Variants in CISD1 observed in about 807,000 individuals in gnomAD.
CISD1 encodes CDGSH iron-sulfur domain-containing protein 1.
In CISD1, 8 loss-of-function variants were observed where a neutral mutation model predicts 12.0. That is an observed-to-expected ratio of 0.67 (90% CI 0.39 to 1.20). CISD1 has a LOEUF of 1.20. Among genes scored for constraint, CISD1 ranks in the 50% most tolerant of loss-of-function variants. The pLI is 0.01. For missense variants in CISD1, 107 were observed against 132.7 expected (o/e 0.81, Z 0.95); for synonymous variants, 38 against 42.2 (o/e 0.90, Z 0.39).
intron 2 of CISD1, among the ~76,000 whole-genome samples, chr10:58,281,904 A>G (rs16912053): frequency 0.049 from 7,510 of 151,840 alleles, 444 homozygotes; most frequent in East Asian, 0.31. Context: ...CCTTTTGTCC[A>G]GTGCTTCTCT....
At chr10:58,272,251 C>G (rs1165447404) in intron 1 of CISD1, among the ~76,000 whole-genome samples, 1 of 150,048 alleles carries the variant, frequency 6.7e-6, no homozygotes, top group Non-Finnish European at 1.5e-5. Context: ...CCAACTATAC[C>G]AGGTAATTTT....
chr10:58,276,375 TGA>T (rs1175207660), intron 1 of CISD1, among the ~76,000 whole-genome samples: 1 of 151,892 alleles, frequency 6.6e-6, no homozygotes, highest in Non-Finnish European at 1.5e-5. Context: ...ATTTATTAAA[TGA>T]GAATATAACT....
rs905146229 is a variant in CISD1 at position 58,288,575 on chromosome 10, A to G, written c.*925A>G. 6.6e-6 allele frequency: 1 copy of G among 152,186 alleles called. No homozygotes were observed. Among genetic ancestry groups the G allele is most frequent in the Non-Finnish European group, 1.5e-5 (1 of 67,958 alleles). The allele number at this position is 152,186 out of a possible 1,614,324, so 9.4% of individuals were successfully genotyped here. On this transcript the variant is annotated 3_prime_UTR_variant, in exon 3 of 3. Coordinates refer to ENST00000333926, the MANE Select transcript of CISD1 (RefSeq NM_018464.5). ...ATCAAGCACATGGCTTTTAAATTGT[A>G]TGATCTTTTTCTTAAAAGCAAAAAT...
chr10:58,269,344 C>T (rs1269020346), intron 1 of CISD1, 40 bp downstream of exon 1: 1 of 1,584,332 alleles, frequency 6.3e-7, no homozygotes, highest in Non-Finnish European at 8.6e-7. Flanking sequence ...TGGTGAGGCT[C>T]AGCGGTTGCC....
rs1028120592 is a variant in CISD1, at chr10:58,288,536, T to C, written c.*886T>C. ...AAAGGCGTGGGAAGATTTTTTTTTT[T>C]CCCACTCTAGCTAATCAAGCACATG... On this transcript the variant is annotated 3_prime_UTR_variant, in exon 3 of 3. Transcript: ENST00000333926. The C allele has an allele frequency of 6.6e-5, 10 of 152,278 alleles. No homozygotes were observed. The highest frequency in any genetic ancestry group is 1.2e-4 in the Non-Finnish European group (8 of 67,962). The allele number at this position is 152,278 out of a possible 1,614,324, so 9.4% of individuals were successfully genotyped here.
At chr10:58,284,318 C>T (rs1839405612) in intron 2 of CISD1, among the ~76,000 whole-genome samples, 1 of 148,966 alleles carries the variant, frequency 6.7e-6, no homozygotes, top group African/African-American at 2.5e-5. Context: ...AATTTAATCT[C>T]TTAAAAAAAA....
intron 1 of CISD1, among the ~76,000 whole-genome samples, chr10:58,270,914 A>T (rs1839239147): frequency 6.6e-6 from 1 of 151,624 alleles, no homozygotes; most frequent in African/African-American, 2.4e-5. Flanking sequence ...CCCAAGCTGG[A>T]GTGCAGTGTT....
In CISD1 at chr10:58,289,054, C is replaced by A. The variant is rs1049546840; in HGVS notation, c.*1404C>A. 1 of 152,026 alleles carries A rather than the reference C, an allele frequency of 6.6e-6. No individual in the cohort carries two copies. The highest frequency in any genetic ancestry group is 2.4e-5 in the African/African-American group (1 of 41,402). The allele number at this position is 152,026 out of a possible 1,614,324, so 9.4% of individuals were successfully genotyped here. ...AAATTGTACAGTGGTTTTAAGAAGC[C>A]CATGTAACTAACTTGGACATGTCTT... On this transcript the variant is annotated 3_prime_UTR_variant, in exon 3 of 3. Transcript: ENST00000333926.
chr10:58,280,651 T>A (rs1839363987), intron 2 of CISD1, among the ~76,000 whole-genome samples: 1 of 152,190 alleles, frequency 6.6e-6, no homozygotes, highest in Admixed American at 6.5e-5. Context: ...AACTGATCTT[T>A]GATATGGATA....
At chr10:58,282,206 C>T (rs780289065) in intron 2 of CISD1, among the ~76,000 whole-genome samples, 2 of 152,162 alleles carry the variant, frequency 1.3e-5, no homozygotes, top group African/African-American at 2.4e-5. Context: ...AAGTGATCCA[C>T]CCGCCTTGGC....
intron 2 of CISD1, among the ~76,000 whole-genome samples, chr10:58,285,359 A>G (rs772124963): frequency 2.0e-4 from 30 of 152,206 alleles, no homozygotes; most frequent in Admixed American, 7.2e-4. Flanking sequence ...TTTAAGATTA[A>G]ATACCATCAT....
chr10:58,269,403 CG>C, intron 1 of CISD1, 99 bp downstream of exon 1: 1 of 1,120,352 alleles, frequency 8.9e-7, no homozygotes, highest in Non-Finnish European at 1.3e-6. Context: ...ACGCGCCCGC[CG>C]GTCCTATAAC....
intron 1 of CISD1, among the ~76,000 whole-genome samples, chr10:58,275,849 GT>G (rs1588980571): frequency 6.6e-6 from 1 of 152,182 alleles, no homozygotes; most frequent in Non-Finnish European, 1.5e-5. Flanking sequence ...TTATATTACA[GT>G]TTTAGAAGAT....
intron 1 of CISD1, chr10:58,276,145 C>T (rs1463583768): frequency 6.6e-6 from 1 of 152,180 alleles, no homozygotes; most frequent in East Asian, 1.9e-4. Context: ...ATAGACAACT[C>T]TCCTCTGAGG....
chr10:58,272,981 A>G (rs1839266279), intron 1 of CISD1, among the ~76,000 whole-genome samples: 1 of 152,130 alleles, frequency 6.6e-6, no homozygotes, highest in Non-Finnish European at 1.5e-5. Context: ...TGGTGGTTAG[A>G]GCTAATTGAG....
In CISD1 at chr10:58,287,613, A is replaced by G; in HGVS notation, c.290A>G (p.Asn97Ser). The G allele has an allele frequency of 6.2e-7, 1 of 1,611,304 alleles. No homozygotes were observed. The highest frequency in any genetic ancestry group is 1.1e-5 in the South Asian group (1 of 90,578). Residue 97 changes from asparagine to serine, a missense_variant, in exon 3 of 3, where the codon AAT (asparagine) becomes AGT (serine). Transcript: ENST00000333926. ...HTKHNEETGD[N>S]VGPLIIKKKE... ...AAACATAACGAAGAGACTGGAGACA[A>G]TGTGGGCCCTCTGATCATCAAGAAA... is the stretch of plus-strand genomic sequence containing the variant.
intron 1 of CISD1, 86 bp downstream of exon 1, chr10:58,269,390 C>T (rs886298977): frequency 3.8e-5 from 47 of 1,234,212 alleles, no homozygotes; most frequent in Middle Eastern, 3.9e-4. Flanking sequence ...TTACCACTGC[C>T]CTACGCGCCC....
chr10:58,277,306 GTTGGAGGTCC>G lies in CISD1; in HGVS notation c.222_231del (p.Cys74Ter). 1 of 1,586,692 alleles carries G rather than the reference GTTGGAGGTCC, an allele frequency of 6.3e-7. No individual in the cohort carries two copies. The highest frequency in any genetic ancestry group is 1.2e-5 in the South Asian group (1 of 86,792). On this transcript the variant is annotated frameshift_variant, in exon 2 of 3. Coordinates refer to ENST00000333926, the MANE Select transcript of CISD1 (RefSeq NM_018464.5). LOFTEE classifies it high-confidence loss of function. ...GGAGATAAAGCTGTGTACTGCCGTT[GTTGGAGGTCC>G]AAAAAGGTGAGGAAAGCAATTCCTT... is the stretch of plus-strand genomic sequence containing the variant.
chr10:58,287,670 C>T lies in CISD1; in HGVS notation c.*20C>T, dbSNP rs1215713763. The T allele has an allele frequency of 3.3e-6, 5 of 1,523,040 alleles. No individual in the cohort carries two copies. Among genetic ancestry groups the T allele is most frequent in the Non-Finnish European group, 4.5e-6 (5 of 1,107,334 alleles). The allele number at this position is 1,523,040 out of a possible 1,614,324, so 94.3% of individuals were successfully genotyped here. ...ACTTAAATGGACACTTTTGATGCTG[C>T]AAATCAGCTTGTCGTGAAGTTACCT... is the stretch of plus-strand genomic sequence containing the variant. On this transcript the variant is annotated 3_prime_UTR_variant, in exon 3 of 3. Coordinates refer to ENST00000333926, the MANE Select transcript of CISD1 (RefSeq NM_018464.5).
Sources: gnomAD v4.1 joint callset for allele counts (sites outside exome capture counted in the v4.1 genomes callset) on GRCh38, gnomAD v4.1.1 for gene constraint, MANE v1.5 for transcripts, NCBI Gene and HGNC (gene_info 2026-07-23, HGNC 2026-07-21) for gene names.